Variants in BACE2 observed in about 807,000 individuals in gnomAD.
BACE2 encodes the protein 56 kDa aspartic-like protease.
Under a neutral mutation model 46.2 loss-of-function variants are expected in BACE2, and 17 were observed. The observed-to-expected ratio is 0.37, with a 90% CI of 0.25 to 0.55. The LOEUF (loss-of-function observed/expected upper bound fraction) is 0.55. Among genes scored for constraint, BACE2 ranks in the 20% least tolerant of loss-of-function variants. The pLI, the probability that BACE2 is intolerant of heterozygous loss-of-function variation, is 0.82. For missense variants in BACE2, 595 were observed against 698.1 expected, an observed-to-expected ratio of 0.85 and a Z score of 1.66; for synonymous variants, 277 against 295.9, an observed-to-expected ratio of 0.94 and a Z score of 0.66.
chr21:41,179,752 G>T (rs1374234958), intron 1 of BACE2: 2 of 935,796 alleles, frequency 2.1e-6, no homozygotes, highest in South Asian at 1.5e-5. Flanking sequence ...AGGGTGCCTG[G>T]TGTGGGGTGG....
At chr21:41,274,704 A>G (rs914968527) in intron 8 of BACE2, among the ~76,000 whole-genome samples, 1 of 152,198 alleles carries the variant, frequency 6.6e-6, no homozygotes, top group African/African-American at 2.4e-5. Flanking sequence ...TCTCTTTGTC[A>G]CCAGTGATGT....
chr21:41,200,901 C>T (rs73222255), intron 1 of BACE2, among the ~76,000 whole-genome samples: 8,309 of 152,284 alleles, frequency 0.055, 312 homozygotes, highest in Middle Eastern at 0.092. Context: ...GCCCAGTCTG[C>T]GGTGCTTTGT....
chr21:41,198,850 T>TTTATTTAC (rs1985837244), intron 1 of BACE2, among the ~76,000 whole-genome samples: 1 of 83,396 alleles, frequency 1.2e-5, no homozygotes, highest in South Asian at 3.7e-4. Flanking sequence ...CTGTACGCTT[T>TTTATTTAC]TTATTTATTT....
chr21:41,257,186 G>C lies in BACE2; in HGVS notation c.1163G>C (p.Gly388Ala). 5 of 1,614,144 alleles carry C rather than the reference G, an allele frequency of 3.1e-6. No individual in the cohort carries two copies. The highest frequency in any genetic ancestry group is 4.2e-6 in the Non-Finnish European group (5 of 1,180,024). ...TACATTCAGCCCATGATGGGGGCCG[G>C]CCTGAATTATGAATGTTACCGATTC... The part of the protein sequence containing the change: ...QLYIQPMMGA[G>A]LNYECYRFGI... Residue 388 changes from glycine (G) to alanine (A), a missense_variant, in exon 8 of 9, where the codon GGC becomes GCC. Around this residue, in one of 3 missense-constraint regions of BACE2, gnomAD observed 343 missense variants for 419.4 expected, o/e 0.82. Coordinates refer to ENST00000330333, the MANE Select transcript of BACE2 (RefSeq NM_012105.5).
At chr21:41,273,777 G>A (rs899487176) in intron 8 of BACE2, among the ~76,000 whole-genome samples, 9 of 152,202 alleles carry the variant, frequency 5.9e-5, no homozygotes, top group Non-Finnish European at 1.3e-4. Context: ...AGTGATAAAT[G>A]TCCATGAAAT....
At chr21:41,249,993 T>G (rs1000426749) in intron 6 of BACE2, among the ~76,000 whole-genome samples, 1 of 152,212 alleles carries the variant, frequency 6.6e-6, no homozygotes, top group Non-Finnish European at 1.5e-5. Flanking sequence ...CCACAAATAT[T>G]TCCCAGGTCT....
chr21:41,250,945 G>A (rs1180253829), intron 7 of BACE2, 44 bp downstream of exon 7: 1 of 1,585,786 alleles, frequency 6.3e-7, no homozygotes, highest in South Asian at 1.1e-5. Context: ...TCATGCAAAA[G>A]AGAAAGCACT....
chr21:41,196,122 TA>T (rs201913273), intron 1 of BACE2, among the ~76,000 whole-genome samples: 4 of 151,280 alleles, frequency 2.6e-5, no homozygotes, highest in African/African-American at 7.3e-5. Context: ...CCGTCTTTAC[TA>T]AAAAAAATAA....
At chr21:41,194,988 C>T (rs1374019078) in intron 1 of BACE2, among the ~76,000 whole-genome samples, 1 of 152,136 alleles carries the variant, frequency 6.6e-6, no homozygotes, top group African/African-American at 2.4e-5. Flanking sequence ...AGACTCTGGT[C>T]GTCAGGAACG....
rs1985654250 is a variant in BACE2, at chr21:41,193,889, A to C, written c.312+25314A>C. On this transcript the variant is annotated intron_variant, in intron 1 of 8. Transcript: ENST00000330333. The surrounding 1 kb of genome is among the most constrained non-coding windows in gnomAD (Gnocchi z 4.2). ...AGAGCCAGTGTCCAGTAGTCCCTGA[A>C]ATGTCTGATCATCTCCCTTTCCCCA... Among the ~76,000 whole-genome samples, 1 of 152,144 alleles carries C rather than the reference A, an allele frequency of 6.6e-6. No homozygotes were observed.
chr21:41,257,264 GCTTCTACGTCAT>G lies in BACE2; in HGVS notation c.1246_1257del (p.Tyr416_Phe419del), dbSNP rs770725076. On this transcript the variant is annotated inframe_deletion, in exon 8 of 9. Coordinates refer to ENST00000330333, the MANE Select transcript of BACE2 (RefSeq NM_012105.5). ...GTGATCGGTGCCACGGTGATGGAGG[GCTTCTACGTCAT>G]CTTCGACAGAGCCCAGAAGAGGGTG... 4 of 1,614,190 alleles carry G rather than the reference GCTTCTACGTCAT, an allele frequency of 2.5e-6. No homozygotes were observed. In the African/African-American group the frequency reaches 4.0e-5, roughly 16 times the overall value.
In BACE2 at chr21:41,209,998, C is replaced by T. The variant is rs1357201725; in HGVS notation, c.313-16268C>T. Among the ~76,000 whole-genome samples, 4 of 152,038 alleles carry T rather than the reference C, an allele frequency of 2.6e-5. No individual in the cohort carries two copies. The East Asian group carries it at 5.8e-4, about 22-fold the overall frequency. ...TCAAAACTCAGTCAGGGAGGTCCCC[C>T]TTCCCCCTAACCAACCTATCACCCC... is the stretch of plus-strand genomic sequence containing the variant. On this transcript the variant is annotated intron_variant, in intron 1 of 8. Transcript: ENST00000330333.
At chr21:41,273,951 A>C (rs1202638440) in intron 8 of BACE2, among the ~76,000 whole-genome samples, 2 of 152,224 alleles carry the variant, frequency 1.3e-5, no homozygotes, top group East Asian at 3.8e-4. Context: ...CCGCAACAGA[A>C]ACCTAATCTC....
chr21:41,190,089 CTG>C (rs1985513958), intron 1 of BACE2, among the ~76,000 whole-genome samples: 1 of 152,216 alleles, frequency 6.6e-6, no homozygotes, highest in Non-Finnish European at 1.5e-5. Context: ...CCCCAGCCCA[CTG>C]CCTCAAACGT....
chr21:41,195,168 TTTTCACACTGCAA>T (rs1197491073), intron 1 of BACE2, among the ~76,000 whole-genome samples: 1 of 152,242 alleles, frequency 6.6e-6, no homozygotes, highest in Non-Finnish European at 1.5e-5. Flanking sequence ...CCTGAGGCTG[TTTTCACACTGCAA>T]TGGCAGAGGT....
chr21:41,265,403 T>G (rs1460323159), intron 8 of BACE2, among the ~76,000 whole-genome samples: 1 of 152,238 alleles, frequency 6.6e-6, no homozygotes, highest in Non-Finnish European at 1.5e-5. Context: ...TTAATGAATA[T>G]CACTTCGTTA....
chr21:41,184,394 A>G (rs533580646), intron 1 of BACE2: 7 of 167,242 alleles, frequency 4.2e-5, no homozygotes, highest in African/African-American at 1.7e-4. Flanking sequence ...GGCAATTTGA[A>G]GAACATAGTC....
chr21:41,277,169 T>G lies in BACE2; in HGVS notation c.*1545T>G, dbSNP rs534114586. Reference sequence around the variant, plus strand: ...GCAGAAGTATCGTTTGTATTCACAGTAGGCTACGTGTGGATGTTTCAGCCA... The same window carrying G: ...GCAGAAGTATCGTTTGTATTCACAGGAGGCTACGTGTGGATGTTTCAGCCA... On this transcript the variant is annotated 3_prime_UTR_variant, in exon 9 of 9. Coordinates refer to ENST00000330333, the MANE Select transcript of BACE2 (RefSeq NM_012105.5). The G allele has an allele frequency of 1.6e-4, 25 of 152,194 alleles. No individual in the cohort carries two copies. Among genetic ancestry groups the G allele is most frequent in the African/African-American group, 5.8e-4 (24 of 41,510 alleles). The allele number at this position is 152,194 out of a possible 1,614,324, so 9.4% of individuals were successfully genotyped here.
At chr21:41,196,152 G>T (rs570762636) in intron 1 of BACE2, among the ~76,000 whole-genome samples, 33 of 152,146 alleles carry the variant, frequency 2.2e-4, no homozygotes, top group African/African-American at 8.0e-4. Context: ...ATAAAAATTA[G>T]CCAGGCATGG....
Sources: allele counts gnomAD v4.1 joint callset (sites outside exome capture counted in the v4.1 genomes callset), GRCh38; gene constraint gnomAD v4.1.1; regional missense constraint gnomAD v4.1.1; non-coding constraint Gnocchi (gnomAD v3.1); transcripts MANE v1.5; gene names NCBI Gene and HGNC (gene_info 2026-07-23, HGNC 2026-07-21).